The following MEI4 variants were observed in gnomAD, a reference collection of about 807,000 sequenced individuals.
MEI4 encodes the protein meiosis-specific protein MEI4.
MEI4 carries 27 observed loss-of-function variants against 31.4 expected under a neutral mutation model. The observed-to-expected ratio is 0.86, with a 90% CI of 0.63 to 1.19. MEI4 has a LOEUF of 1.19. Ranked by LOEUF, MEI4 falls within the 50% of genes most tolerant of loss-of-function variation. The pLI is 0.00. For synonymous variants in MEI4, 122 were observed against 145.4 expected, an observed-to-expected ratio of 0.84 and a Z score of 1.16; for missense variants, 329 against 398.9, an observed-to-expected ratio of 0.82 and a Z score of 1.49.
intron 4 of MEI4, among the ~76,000 whole-genome samples, chr6:77,910,419 CAG>C (rs1554179576): frequency 2.6e-5 from 4 of 152,230 alleles, no homozygotes; most frequent in African/African-American, 9.6e-5. Context: ...CAATAACAAA[CAG>C]AGAGCCAAAT....
At chr6:77,871,733 T>C (rs557269393) in intron 4 of MEI4, among the ~76,000 whole-genome samples, 2 of 152,246 alleles carry the variant, frequency 1.3e-5, no homozygotes, top group East Asian at 3.9e-4. Context: ...CATTTTTAAA[T>C]TTTTATTTTT....
intron 2 of MEI4, among the ~76,000 whole-genome samples, chr6:77,722,545 T>C (rs1440735353): frequency 6.6e-6 from 1 of 150,846 alleles, no homozygotes; most frequent in Non-Finnish European, 1.5e-5. Context: ...CCCTAGTCCC[T>C]TTCCTGGTAT....
intron 4 of MEI4, among the ~76,000 whole-genome samples, chr6:77,920,820 A>T (rs958276545): frequency 6.6e-6 from 1 of 151,932 alleles, no homozygotes; most frequent in Admixed American, 6.6e-5. Context: ...AATGAGCAGT[A>T]ATCTTTTGAA....
chr6:77,694,122 T>G (rs1448195134), intron 2 of MEI4, among the ~76,000 whole-genome samples: 1 of 152,072 alleles, frequency 6.6e-6, no homozygotes, highest in Non-Finnish European at 1.5e-5. Context: ...AGATAAACAA[T>G]GAGTAAGGTT....
intron 3 of MEI4, among the ~76,000 whole-genome samples, chr6:77,822,483 A>G (rs1254792831): frequency 6.6e-6 from 1 of 152,142 alleles, no homozygotes; most frequent in East Asian, 1.9e-4. Context: ...AGTTCCTCAA[A>G]TGCTTTTTAC....
intron 2 of MEI4, among the ~76,000 whole-genome samples, chr6:77,720,467 A>G (rs1334961579): frequency 1.8e-5 from 2 of 108,786 alleles, no homozygotes. Flanking sequence ...TAACATGGGA[A>G]GTACTTTCTC....
intron 3 of MEI4, among the ~76,000 whole-genome samples, chr6:77,791,425 G>A (rs532794108): frequency 7.4e-5 from 11 of 149,154 alleles, no homozygotes; most frequent in South Asian, 2.1e-4. Context: ...GTAAACTATC[G>A]CAAGAACAAA....
chr6:77,910,255 A>G (rs1413710584), intron 4 of MEI4, among the ~76,000 whole-genome samples: 1 of 152,154 alleles, frequency 6.6e-6, no homozygotes, highest in Non-Finnish European at 1.5e-5. Flanking sequence ...TTAGGAAAAG[A>G]GGAAGTCAAG....
In MEI4 at chr6:77,695,112, T is replaced by A. The variant is rs190009352; in HGVS notation, c.232+4209T>A. On this transcript the variant is annotated intron_variant, in intron 2 of 4. Coordinates refer to ENST00000684080, the MANE Select transcript of MEI4 (RefSeq NM_001322247.2). ...TTCGCCCACTTTTTGATGGGGTTGT[T>A]TATTTTTGTCTTGTAAATTTGTTTG... is the stretch of plus-strand genomic sequence containing the variant. 3.7e-3 allele frequency among the ~76,000 whole-genome samples: 569 copies of A among 152,334 alleles called. 5 individuals are homozygous for A. Among genetic ancestry groups the A allele is most frequent in the South Asian group, 0.032 (155 of 4,824 alleles).
intron 2 of MEI4, among the ~76,000 whole-genome samples, chr6:77,745,395 G>A (rs1174403524): frequency 1.3e-5 from 2 of 152,040 alleles, no homozygotes; most frequent in African/African-American, 2.4e-5. Context: ...AATGGTAAAG[G>A]GATCAATTCA....
intron 4 of MEI4, among the ~76,000 whole-genome samples, chr6:77,906,833 A>C: frequency 6.6e-6 from 1 of 152,154 alleles, no homozygotes; most frequent in East Asian, 1.9e-4. Flanking sequence ...GTCAAGAAAG[A>C]GAGGACAGGC....
chr6:77,897,598 A>G (rs1766108704), intron 4 of MEI4, among the ~76,000 whole-genome samples: 1 of 151,984 alleles, frequency 6.6e-6, no homozygotes, highest in Non-Finnish European at 1.5e-5. Context: ...AAAAGGGTAA[A>G]ATGTCAAGAT....
chr6:77,671,057 T>G lies in MEI4; in HGVS notation c.-15+17965T>G, dbSNP rs972315780. ...GTTGGCAAATTTGTGAATTGTTGTTTTTTTTTTTTTTTTTTTTTGAGATGG... is the reference window on the plus strand; with the variant it reads ...GTTGGCAAATTTGTGAATTGTTGTTGTTTTTTTTTTTTTTTTTTGAGATGG... On this transcript the variant is annotated intron_variant, in intron 1 of 4. Transcript: ENST00000684080. Among the ~76,000 whole-genome samples, 360 of 145,994 alleles carry G rather than the reference T, an allele frequency of 2.5e-3. 2 individuals carry two copies. Among genetic ancestry groups the G allele is most frequent in the African/African-American group, 7.3e-3 (291 of 39,670 alleles).
intron 3 of MEI4, among the ~76,000 whole-genome samples, chr6:77,818,068 A>G (rs16889447): frequency 0.15 from 22,617 of 152,142 alleles, 1,812 homozygotes; most frequent in East Asian, 0.27. Context: ...TCAATGTGGC[A>G]TTAAATTAGA....
intron 4 of MEI4, among the ~76,000 whole-genome samples, chr6:77,867,242 A>G (rs949297860): frequency 2.0e-5 from 3 of 152,242 alleles, no homozygotes; most frequent in African/African-American, 7.2e-5. Context: ...ATTAAACTAA[A>G]GAGCTTCTGC....
chr6:77,925,902 C>T lies in MEI4; in HGVS notation c.*2556C>T, dbSNP rs1215340742. On this transcript the variant is annotated 3_prime_UTR_variant, in exon 5 of 5. Transcript: ENST00000684080. ...TAAATACCAAATAGCCAGGTACTTA[C>T]CTAAGCATTTTACATATATTAAACT... The T allele has an allele frequency of 6.6e-6, 1 of 150,620 alleles. No homozygotes were observed. Among genetic ancestry groups the T allele is most frequent in the South Asian group, 2.1e-4 (1 of 4,804 alleles). The allele number at this position is 150,620 out of a possible 1,614,324, so 9.3% of individuals were successfully genotyped here.
intron 1 of MEI4, among the ~76,000 whole-genome samples, chr6:77,685,312 C>CTT (rs56264627): frequency 6.9e-4 from 88 of 128,214 alleles, no homozygotes; most frequent in Middle Eastern, 4.2e-3. Context: ...TGTCCCTTCA[C>CTT]TTTTTTTTTT....
chr6:77,898,214 T>C (rs1000865968), intron 4 of MEI4, among the ~76,000 whole-genome samples: 1 of 152,002 alleles, frequency 6.6e-6, no homozygotes, highest in Non-Finnish European at 1.5e-5. Context: ...AAATGGCTCA[T>C]AGAGAGTTAA....
chr6:77,867,381 A>G (rs1250908706), intron 4 of MEI4, among the ~76,000 whole-genome samples: 1 of 152,232 alleles, frequency 6.6e-6, no homozygotes, highest in African/African-American at 2.4e-5. Flanking sequence ...TTTACAAGAA[A>G]TAACCCCATC....
Sources: gnomAD v4.1 joint callset for allele counts (sites outside exome capture counted in the v4.1 genomes callset) on GRCh38, gnomAD v4.1.1 for gene constraint, MANE v1.5 for transcripts, NCBI Gene and HGNC (gene_info 2026-07-23, HGNC 2026-07-21) for gene names.